FAM171A1: variants seen among roughly 807,000 people sequenced by gnomAD.
FAM171A1 encodes family with sequence similarity 171 member A1, also known as protein FAM171A1.
A neutral mutation model predicts 74.9 loss-of-function variants in FAM171A1; 23 were observed. The observed-to-expected ratio is 0.31, with a 90% confidence interval of 0.22 to 0.44. The LOEUF is 0.44. Ranked by LOEUF, FAM171A1 falls within the 20% of genes least tolerant of loss-of-function variation. FAM171A1 has a pLI of 1.00. For synonymous variants in FAM171A1, 527 were observed against 505.7 expected (o/e 1.04, Z -0.57); for missense variants, 1,162 against 1,159.2 (o/e 1.00, Z -0.03).
intron 1 of FAM171A1, among the ~76,000 whole-genome samples, chr10:15,360,447 A>G (rs1280609332): frequency 6.6e-6 from 1 of 152,228 alleles, no homozygotes; most frequent in African/African-American, 2.4e-5. Context: ...CCTCTAGATC[A>G]AATACTCTCT....
chr10:15,214,651 G>C (rs1302526213), intron 7 of FAM171A1, 50 bp from the exon 8 acceptor site: 1 of 1,496,972 alleles, frequency 6.7e-7, no homozygotes, highest in South Asian at 1.4e-5. Context: ...TTCTCACAAT[G>C]AAAAAGTTTC....
chr10:15,232,998 A>G (rs1834227071), intron 5 of FAM171A1, among the ~76,000 whole-genome samples: 1 of 152,230 alleles, frequency 6.6e-6, no homozygotes, highest in Non-Finnish European at 1.5e-5. Flanking sequence ...AATAGATAAA[A>G]ACATTGTTTT....
intron 5 of FAM171A1, among the ~76,000 whole-genome samples, chr10:15,230,295 T>C (rs1365053796): frequency 6.6e-6 from 1 of 152,256 alleles, no homozygotes; most frequent in East Asian, 1.9e-4. Flanking sequence ...GGAATTGTTT[T>C]TCCATGAAAT....
intron 1 of FAM171A1, among the ~76,000 whole-genome samples, chr10:15,307,851 C>T (rs1835315577): frequency 6.6e-6 from 1 of 151,442 alleles, no homozygotes; most frequent in African/African-American, 2.4e-5. Context: ...TTCTGTTGCC[C>T]AGGCTGCAGT....
In FAM171A1 at chr10:15,214,079, T is replaced by C. The variant is rs557564382; in HGVS notation, c.1509A>G (p.Arg503=). ...TGCTTCCCGTGGAGGCTGGACCTTC[T>C]CTGTCCTGCTTTTCAAATAAAGGCT... The part of the protein sequence containing the change: ...LSQPLFEKQD[R]EGPASTGSKL... The change falls in exon 8 of 8, where the codon AGA becomes AGG. Residue 503 remains arginine (R), a synonymous_variant. Transcript: ENST00000378116. The C allele has an allele frequency of 3.1e-6, 5 of 1,614,210 alleles. No individual in the cohort carries two copies. The highest frequency in any genetic ancestry group is 4.2e-6 in the Non-Finnish European group (5 of 1,180,044).
upstream of FAM171A1, among the ~76,000 whole-genome samples, chr10:15,371,657 G>T (rs1836151551): frequency 2.0e-5 from 3 of 152,204 alleles, no homozygotes; most frequent in African/African-American, 7.2e-5. Context: ...AGTATAGACT[G>T]CAGTAGGCCT....
intron 1 of FAM171A1, among the ~76,000 whole-genome samples, chr10:15,286,530 C>G (rs1359050371): frequency 6.6e-6 from 1 of 152,144 alleles, no homozygotes; most frequent in African/African-American, 2.4e-5. Flanking sequence ...GATCCACCCA[C>G]CTCGGGCTCC....
At chr10:15,251,445 C>T (rs1588512485) in intron 4 of FAM171A1, among the ~76,000 whole-genome samples, 1 of 151,272 alleles carries the variant, frequency 6.6e-6, no homozygotes, top group East Asian at 1.9e-4. Flanking sequence ...CTCTGTCACC[C>T]AGAGTGGAGT....
chr10:15,305,790 G>C (rs1835287575), intron 1 of FAM171A1, among the ~76,000 whole-genome samples: 1 of 151,468 alleles, frequency 6.6e-6, no homozygotes, highest in South Asian at 2.1e-4. Flanking sequence ...TATGCAAATT[G>C]GACTGCCACA....
chr10:15,248,584 C>G, intron 5 of FAM171A1, 55 bp downstream of exon 5: 1 of 1,521,180 alleles, frequency 6.6e-7, no homozygotes, highest in Middle Eastern at 2.4e-4. Flanking sequence ...GAAGGAAAAC[C>G]AAACAGTAAC....
chr10:15,253,414 T>C (rs1408955011), intron 4 of FAM171A1, among the ~76,000 whole-genome samples: 2 of 152,196 alleles, frequency 1.3e-5, no homozygotes, highest in Non-Finnish European at 2.9e-5. Context: ...AGATGACTGC[T>C]ATGCCATCTT....
At chr10:15,362,284 T>C (rs1429195684) in intron 1 of FAM171A1, among the ~76,000 whole-genome samples, 2 of 152,254 alleles carry the variant, frequency 1.3e-5, no homozygotes, top group African/African-American at 4.8e-5. Flanking sequence ...CTTTAAATAT[T>C]TGATCAACTA....
chr10:15,280,190 G>T (rs1166840547), intron 2 of FAM171A1, among the ~76,000 whole-genome samples: 1 of 152,202 alleles, frequency 6.6e-6, no homozygotes, highest in Non-Finnish European at 1.5e-5. Context: ...TGTTGCCCAG[G>T]GCGGCCGACC....
intron 1 of FAM171A1, among the ~76,000 whole-genome samples, chr10:15,298,168 C>T (rs1835183192): frequency 6.6e-6 from 1 of 151,718 alleles, no homozygotes; most frequent in Admixed American, 6.6e-5. Flanking sequence ...ACTCTTGTCA[C>T]CCATGCTGGA....
chr10:15,344,520 A>C (rs1303750169), intron 1 of FAM171A1, among the ~76,000 whole-genome samples: 1 of 152,212 alleles, frequency 6.6e-6, no homozygotes, highest in Non-Finnish European at 1.5e-5. Context: ...ACTCCAGCCT[A>C]GGTGACAGAG....
At chr10:15,318,139 G>A (rs147456212) in intron 1 of FAM171A1, among the ~76,000 whole-genome samples, 2,773 of 152,280 alleles carry the variant, frequency 0.018, 36 homozygotes, top group Middle Eastern at 0.027. Context: ...CAAAATTCTG[G>A]AGACACATGG....
chr10:15,343,395 C>A (rs904159782), intron 1 of FAM171A1, among the ~76,000 whole-genome samples: 1 of 152,082 alleles, frequency 6.6e-6, no homozygotes, highest in African/African-American at 2.4e-5. Context: ...AGACGTGCAC[C>A]AGCTATTGCA....
intron 1 of FAM171A1, among the ~76,000 whole-genome samples, chr10:15,284,416 TCG>T (rs1491186768): frequency 2.5e-5 from 2 of 81,274 alleles, no homozygotes; most frequent in Admixed American, 1.0e-4. Context: ...ATGCAATACT[TCG>T]TGTGTGTGTG....
chr10:15,347,290 T>TA (rs1835827215), intron 1 of FAM171A1, among the ~76,000 whole-genome samples: 1 of 151,996 alleles, frequency 6.6e-6, no homozygotes, highest in South Asian at 2.1e-4. Flanking sequence ...CATAAAAGGG[T>TA]GGTTCAACAT....
Sources: allele counts gnomAD v4.1 joint callset (sites outside exome capture counted in the v4.1 genomes callset), GRCh38; gene constraint gnomAD v4.1.1; transcripts MANE v1.5; gene names NCBI Gene and HGNC (gene_info 2026-07-23, HGNC 2026-07-21).